Variants in PXDN observed in about 807,000 individuals in gnomAD.
The protein encoded by PXDN is peroxidasin, also known as peroxidasin homolog.
In PXDN, 77 loss-of-function variants were observed where a neutral mutation model predicts 140.3. The observed-to-expected ratio is 0.55, with a 90% CI of 0.46 to 0.66. PXDN has a LOEUF of 0.66. Ranked by LOEUF, PXDN falls within the 30% of genes least tolerant of loss-of-function variation. The pLI is 0.00. For synonymous variants in PXDN, 911 were observed against 857.4 expected (o/e 1.06, Z -1.09); for missense variants, 1,838 against 2,039.5 (o/e 0.90, Z 1.90).
chr2:1,643,428 A>G lies in PXDN; in HGVS notation c.3892T>C (p.Tyr1298His), dbSNP rs774615026. 6.2e-7 allele frequency: 1 copy of G among 1,613,994 alleles called. No individual in the cohort carries two copies. Among genetic ancestry groups the G allele is most frequent in the Non-Finnish European group, 8.5e-7 (1 of 1,179,892 alleles). Residue 1298 changes from tyrosine (Y) to histidine (H), a missense_variant, in exon 19 of 23, where the codon TAC (tyrosine) becomes CAC (histidine). Around this residue, in one of 5 missense-constraint regions of PXDN, gnomAD observed 850 missense variants for 894.1 expected, o/e 0.95. Coordinates refer to ENST00000252804, the MANE Select transcript of PXDN (RefSeq NM_012293.3). ...CTGGGGATCTCGTCACAGCTGCCGT[A>G]GCCGTGAGGGAACTCCGCCACCCTG... ...VFRVAEFPHG[Y>H]GSCDEIPRVD... is the part of the protein sequence containing the mutation.
chr2:1,703,443 GA>G (rs1684496244), intron 1 of PXDN, among the ~76,000 whole-genome samples: 2 of 49,454 alleles, frequency 4.0e-5, no homozygotes, highest in Non-Finnish European at 7.7e-5. Context: ...TGAAGCGGGG[GA>G]CAACTCCCGG....
At chr2:1,678,950 GCCCCTGACA>G (rs893784381) in intron 7 of PXDN, among the ~76,000 whole-genome samples, 5 of 152,092 alleles carry the variant, frequency 3.3e-5, no homozygotes, top group Non-Finnish European at 7.4e-5. Context: ...AGTTCTAACT[GCCCCTGACA>G]TAGCTCCAGC....
chr2:1,635,288 A>G lies in PXDN; in HGVS notation c.4320+120T>C, dbSNP rs2241458. On this transcript the variant is annotated intron_variant, in intron 22 of 22. Transcript: ENST00000252804. Reference sequence around the variant, plus strand: ...TAGGAGTGAAGGAGGGATGGAGGCCAGCACAGGTAGGCGGGGAGGGGCCTG... The same window carrying G: ...TAGGAGTGAAGGAGGGATGGAGGCCGGCACAGGTAGGCGGGGAGGGGCCTG... The G allele has an allele frequency of 0.27, 223,132 of 819,114 alleles. 32,617 individuals are homozygous for G. The highest frequency in any genetic ancestry group is 0.41 in the Admixed American group (20,536 of 49,808). The allele number at this position is 819,114 out of a possible 1,614,324, so 50.7% of individuals were successfully genotyped here. A position where few individuals can be genotyped will look rare whatever the true frequency, so the allele number is the denominator to read the frequency against.
At chr2:1,645,350 C>T (rs1682826280) in intron 17 of PXDN, among the ~76,000 whole-genome samples, 1 of 152,194 alleles carries the variant, frequency 6.6e-6, no homozygotes, top group Non-Finnish European at 1.5e-5. Context: ...AGCAACATGT[C>T]ACAACTTCTA....
rs61735716 is a variant in PXDN, at chr2:1,648,638, C to T, written c.3142G>A (p.Gly1048Arg). Residue 1048 changes from glycine (G) to arginine (R), a missense_variant, in exon 17 of 23, where the codon GGA becomes AGA. Physicochemically the swap from Gly to Arg is moderately radical, Grantham distance 125. This residue lies in a region of PXDN where 850 missense variants were observed against 894.1 expected (regional missense o/e 0.95). Transcript: ENST00000252804. This position sits in a 1 kb window ranked among gnomAD's most constrained non-coding sequence, Gnocchi z 8.9. ...ILGEVGMRTL[G>R]EYHGYDPGIN... Reference sequence around the variant, plus strand: ...CCGGGGTCGTAGCCGTGGTACTCTCCCAGCGTCCTCATGCCCACCTCCCCC... The same window carrying T: ...CCGGGGTCGTAGCCGTGGTACTCTCTCAGCGTCCTCATGCCCACCTCCCCC... 1.2e-5 allele frequency: 20 copies of T among 1,610,850 alleles called. 1 individual carries two copies. The highest frequency in any genetic ancestry group is 1.7e-4 in the Middle Eastern group (1 of 6,054).
chr2:1,669,449 C>A (rs1478963255), intron 9 of PXDN, among the ~76,000 whole-genome samples: 2 of 152,266 alleles, frequency 1.3e-5, no homozygotes, highest in East Asian at 3.9e-4. Flanking sequence ...GCACATATAT[C>A]CCAGAACTTA....
intron 8 of PXDN, chr2:1,676,444 G>A (rs1402563416): frequency 1.2e-5 from 2 of 166,148 alleles, no homozygotes; most frequent in East Asian, 3.4e-4. Context: ...ATCCACACGG[G>A]AGCTGAGCGA....
intron 1 of PXDN, among the ~76,000 whole-genome samples, chr2:1,734,323 A>G (rs148456239): frequency 4.4e-4 from 67 of 152,354 alleles, no homozygotes; most frequent in African/African-American, 1.5e-3. Flanking sequence ...ATTGCTAAAA[A>G]AATTTTATAA....
rs1379081983 is a variant in PXDN at position 1,706,706 on chromosome 2, A to C, written c.201-13572T>G. Among the ~76,000 whole-genome samples the C allele has an allele frequency of 4.4e-5, 4 of 90,412 alleles. 1 individual carries two copies. Among genetic ancestry groups the C allele is most frequent in the Non-Finnish European group, 8.4e-5 (4 of 47,370 alleles). The allele number at this position is 90,412 out of a possible 152,430, so 59.3% of individuals were successfully genotyped here. On this transcript the variant is annotated intron_variant, in intron 1 of 22. Coordinates refer to ENST00000252804, the MANE Select transcript of PXDN (RefSeq NM_012293.3). ...CCTGCCCCACTAATAATACAACCTG[A>C]GAGCACGCTGCAGTGTTCACCAATC...
rs1442525201 is a variant in PXDN at position 1,644,613 on chromosome 2, C to T, written c.3743+5G>A. ...CGTGCTCCCCTTTCTGGTGCACGTGCTCACCTGTCCCCATCTCGCAGGCGC... is the reference window on the plus strand; with the variant it reads ...CGTGCTCCCCTTTCTGGTGCACGTGTTCACCTGTCCCCATCTCGCAGGCGC... On this transcript the variant is annotated splice_donor_5th_base_variant and intron_variant, in intron 18 of 22. Transcript: ENST00000252804. The T allele has an allele frequency of 1.3e-6, 2 of 1,589,670 alleles. No individual in the cohort carries two copies. The highest frequency in any genetic ancestry group is 2.3e-5 in the South Asian group (2 of 87,144).
At chr2:1,693,353 A>G (rs966043191) in intron 1 of PXDN, among the ~76,000 whole-genome samples, 1 of 152,240 alleles carries the variant, frequency 6.6e-6, no homozygotes, top group Non-Finnish European at 1.5e-5. Context: ...ATTTCTAAAA[A>G]CAGTAATTAT....
intron 3 of PXDN, among the ~76,000 whole-genome samples, chr2:1,690,648 C>CA (rs35970382): frequency 0.33 from 22,399 of 68,206 alleles, 2,713 homozygotes; most frequent in African/African-American, 0.48. Flanking sequence ...TTCAAAATAC[C>CA]AAAAAAAAAA....
At chr2:1,663,266 C>T (rs1390742269) in intron 12 of PXDN, among the ~76,000 whole-genome samples, 2 of 152,070 alleles carry the variant, frequency 1.3e-5, no homozygotes, top group Non-Finnish European at 2.9e-5. Context: ...AATAACCACC[C>T]CAGAAAGGGC....
In PXDN at chr2:1,658,060, CTCTCTCTCTCTCTCTCTCT is replaced by C. The variant is rs1558494364; in HGVS notation, c.1837+2802_1837+2820del. On this transcript the variant is annotated intron_variant, in intron 14 of 22. Transcript: ENST00000252804. ...TCTCTCTCTCTCTCTCTCTCTCTCTCTCTCTCTCTCTCTCTCTCTCTCTCTCTCTCTCTGTTACAGTGTC... is the reference window on the plus strand; with the variant it reads ...TCTCTCTCTCTCTCTCTCTCTCTCTCCTCTCTCTCTCTCTGTTACAGTGTC... Among the ~76,000 whole-genome samples the C allele has an allele frequency of 3.1e-3, 387 of 126,068 alleles. 39 individuals carry two copies. The highest frequency in any genetic ancestry group is 0.012 in the African/African-American group (371 of 31,606). 82.7% of individuals were successfully genotyped at this position (126,068 alleles called of 152,430 possible).
intron 1 of PXDN, among the ~76,000 whole-genome samples, chr2:1,715,425 T>G (rs58682386): frequency 1.4e-3 from 206 of 152,230 alleles, no homozygotes; most frequent in African/African-American, 4.6e-3. Flanking sequence ...ATCATGCAAA[T>G]GAAATCCCAG....
intron 6 of PXDN, 82 bp from the exon 7 acceptor site, chr2:1,680,444 C>T (rs1683868151): frequency 8.5e-6 from 13 of 1,533,124 alleles, no homozygotes; most frequent in Middle Eastern, 3.4e-4. Flanking sequence ...TTCCAGGTCC[C>T]GCGTCGGGAA....
chr2:1,648,356 G>C lies in PXDN; in HGVS notation c.3424C>G (p.Arg1142Gly). 1.9e-6 allele frequency: 3 copies of C among 1,613,456 alleles called. No homozygotes were observed. Among genetic ancestry groups the C allele is most frequent in the Non-Finnish European group, 2.5e-6 (3 of 1,179,892 alleles). ...ACCGTGTGTGCCATGGAGAACAGCC[G>C]CTCCGTGAGCTCCGTGTTCAGCAGC... Reference protein sequence around the residue: ...SQLLNTELTERLFSMAHTVAL... With the variant: ...SQLLNTELTEGLFSMAHTVAL... Residue 1142 changes from arginine to glycine, a missense_variant, in exon 17 of 23, where the codon CGG (arginine) becomes GGG (glycine). Arg to Gly is a moderately radical substitution (Grantham distance 125). This residue lies in a region of PXDN where 850 missense variants were observed against 894.1 expected (regional missense o/e 0.95). Coordinates refer to ENST00000252804, the MANE Select transcript of PXDN (RefSeq NM_012293.3). The surrounding 1 kb of genome is among the most constrained non-coding windows in gnomAD (Gnocchi z 8.9).
Position 1,649,723 on chromosome 2 carries a change from T to C in PXDN, c.2105-48A>G. The C allele has an allele frequency of 3.1e-6, 5 of 1,598,886 alleles. No individual in the cohort carries two copies. Among genetic ancestry groups the C allele is most frequent in the Non-Finnish European group, 4.3e-6 (5 of 1,167,412 alleles). ...ACGCACTCAATTCCCCTGGAGGATG[T>C]GTGAGGGCCCGGTACCCCTTGGCAC... is the stretch of plus-strand genomic sequence containing the variant. On this transcript the variant is annotated intron_variant, in intron 16 of 22. Coordinates refer to ENST00000252804, the MANE Select transcript of PXDN (RefSeq NM_012293.3). This position sits in a 1 kb window ranked among gnomAD's most constrained non-coding sequence, Gnocchi z 7.1.
rs1682668710 is a variant in PXDN at position 1,639,681 on chromosome 2, G to A, written c.3953-259C>T. 6.6e-6 allele frequency among the ~76,000 whole-genome samples: 1 copy of A among 152,146 alleles called. No homozygotes were observed. Among genetic ancestry groups the A allele is most frequent in the Admixed American group, 6.5e-5 (1 of 15,280 alleles). ...TGAGGACAGCTGGGCACACTGAGGAGGCTCACCACGCCATCTAACCACACC... is the reference window on the plus strand; with the variant it reads ...TGAGGACAGCTGGGCACACTGAGGAAGCTCACCACGCCATCTAACCACACC... On this transcript the variant is annotated intron_variant, in intron 19 of 22. Coordinates refer to ENST00000252804, the MANE Select transcript of PXDN (RefSeq NM_012293.3). This position sits in a 1 kb window ranked among gnomAD's most constrained non-coding sequence, Gnocchi z 5.0.
Sources: allele counts gnomAD v4.1 joint callset (sites outside exome capture counted in the v4.1 genomes callset), GRCh38; gene constraint gnomAD v4.1.1; regional missense constraint gnomAD v4.1.1; non-coding constraint Gnocchi (gnomAD v3.1); transcripts MANE v1.5; gene names NCBI Gene and HGNC (gene_info 2026-07-23, HGNC 2026-07-21).